CRTAC1: variants seen among roughly 807,000 people sequenced by gnomAD.
CRTAC1 encodes the protein acidic secreted protein in cartilage.
Under a neutral mutation model 67.8 loss-of-function variants are expected in CRTAC1, and 37 were observed. The ratio of observed to expected loss-of-function variants is 0.55; its 90% CI spans 0.42 to 0.72. CRTAC1 has a LOEUF of 0.72. CRTAC1 is among the 30% of genes least tolerant of loss of function. The pLI, the probability that CRTAC1 is intolerant of heterozygous loss-of-function variation, is 0.00. For missense variants in CRTAC1, 780 were observed against 931.6 expected, an observed-to-expected ratio of 0.84 and a Z score of 2.12; for synonymous variants, 348 against 371.0, an observed-to-expected ratio of 0.94 and a Z score of 0.71.
intron 1 of CRTAC1, among the ~76,000 whole-genome samples, chr10:98,012,417 C>T (rs1842926994): frequency 6.6e-6 from 1 of 152,116 alleles, no homozygotes; most frequent in South Asian, 2.1e-4. Context: ...GTTTTAAAGG[C>T]TCTGCTGGAA....
chr10:97,900,024 T>C (rs1456041019), intron 8 of CRTAC1, among the ~76,000 whole-genome samples: 1 of 152,208 alleles, frequency 6.6e-6, no homozygotes, highest in East Asian at 1.9e-4. Context: ...CTTGTTAAAA[T>C]ACAGATTCCT....
chr10:97,876,053 T>C (rs1258496287), intron 14 of CRTAC1, among the ~76,000 whole-genome samples: 1 of 152,200 alleles, frequency 6.6e-6, no homozygotes, highest in Non-Finnish European at 1.5e-5. Flanking sequence ...GGGAGGACTA[T>C]TTCAGATCAC....
At chr10:97,899,200 C>T (rs1046965725) in intron 8 of CRTAC1, among the ~76,000 whole-genome samples, 1 of 152,244 alleles carries the variant, frequency 6.6e-6, no homozygotes, top group Non-Finnish European at 1.5e-5. Flanking sequence ...GCTGTCCTCT[C>T]TGCTGCGTGC....
At chr10:97,965,702 C>T (rs1258758176) in intron 2 of CRTAC1, among the ~76,000 whole-genome samples, 1 of 151,884 alleles carries the variant, frequency 6.6e-6, no homozygotes, top group Non-Finnish European at 1.5e-5. Context: ...CCTCTATGGG[C>T]TATATTAATA....
chr10:98,006,176 C>A (rs1842785858), intron 2 of CRTAC1, among the ~76,000 whole-genome samples: 1 of 152,212 alleles, frequency 6.6e-6, no homozygotes, highest in Admixed American at 6.5e-5. Flanking sequence ...AAGATTGACA[C>A]CAACAGGAAT....
At chr10:98,005,514 C>T (rs571160713) in intron 2 of CRTAC1, among the ~76,000 whole-genome samples, 2 of 151,924 alleles carry the variant, frequency 1.3e-5, no homozygotes, top group East Asian at 3.9e-4. Flanking sequence ...TTACACACCA[C>T]AACAATTAAG....
At chr10:98,005,251 C>T (rs774284161) in intron 2 of CRTAC1, among the ~76,000 whole-genome samples, 9 of 150,288 alleles carry the variant, frequency 6.0e-5, no homozygotes, top group Admixed American at 3.3e-4. Flanking sequence ...ATTATAGGCA[C>T]GTGCCACCAC....
chr10:97,884,576 C>T, intron 11 of CRTAC1: 1 of 516,916 alleles, frequency 1.9e-6, no homozygotes, highest in Non-Finnish European at 3.4e-6. Context: ...TGCATCTGTG[C>T]TGTCCAGTAC....
In CRTAC1 at chr10:98,030,388, C is replaced by T. The variant is rs1843347883; in HGVS notation, c.24+61G>A. On this transcript the variant is annotated intron_variant, in intron 1 of 14. Coordinates refer to ENST00000370597, the MANE Select transcript of CRTAC1 (RefSeq NM_018058.7). This position sits in a 1 kb window ranked among gnomAD's most constrained non-coding sequence, Gnocchi z 4.2. ...ACCCTTGCGGGCGGATCCGGGGGGG[C>T]GCGCAGAGCTGGAGAAACTTTCTCC... The T allele has an allele frequency of 5.6e-6, 6 of 1,065,468 alleles. No homozygotes were observed. The highest frequency in any genetic ancestry group is 7.3e-6 in the Non-Finnish European group (6 of 821,644). 66.0% of individuals were successfully genotyped at this position (1,065,468 alleles called of 1,614,324 possible).
At chr10:98,006,185 A>G (rs919108782) in intron 2 of CRTAC1, among the ~76,000 whole-genome samples, 1 of 152,246 alleles carries the variant, frequency 6.6e-6, no homozygotes, top group African/African-American at 2.4e-5. Context: ...ACCAACAGGA[A>G]TTCCTTTCCA....
intron 2 of CRTAC1, among the ~76,000 whole-genome samples, chr10:97,941,748 T>C (rs1263084035): frequency 6.6e-6 from 1 of 152,182 alleles, no homozygotes; most frequent in Non-Finnish European, 1.5e-5. Context: ...GACACCCTTC[T>C]CTGTTGCCTC....
At chr10:97,965,832 G>A (rs193208946) in intron 2 of CRTAC1, among the ~76,000 whole-genome samples, 2 of 152,308 alleles carry the variant, frequency 1.3e-5, no homozygotes, top group Admixed American at 6.5e-5. Flanking sequence ...GGCAGTTGTC[G>A]AACTGAGCTG....
chr10:98,024,740 A>G (rs1178952267), intron 1 of CRTAC1, among the ~76,000 whole-genome samples: 1 of 92,854 alleles, frequency 1.1e-5, no homozygotes, highest in Non-Finnish European at 2.1e-5. Flanking sequence ...GAATGATTAT[A>G]TTATCCTTTT....
chr10:97,890,706 T>C (rs1172331902), intron 11 of CRTAC1, among the ~76,000 whole-genome samples: 1 of 151,874 alleles, frequency 6.6e-6, no homozygotes, highest in East Asian at 1.9e-4. Context: ...TCGCTTTTGT[T>C]GCCTAGGCTG....
At position 97,923,611 on chromosome 10, in the gene CRTAC1, A is replaced by C. The variant is rs78952496; in HGVS notation, c.422-211T>G. On this transcript the variant is annotated intron_variant, in intron 3 of 14. Transcript: ENST00000370597. ...GTTGAGGGAAGAGACTCTGAGCCTC[A>C]TGAAGATGGCTGGCCCAGGCCTCAG... Among the ~76,000 whole-genome samples, 15 of 152,276 alleles carry C rather than the reference A, an allele frequency of 9.9e-5. No homozygotes were observed. The East Asian group carries it at 2.9e-3, about 29-fold the overall frequency.
At chr10:97,886,683 C>T (rs935221804) in intron 11 of CRTAC1, among the ~76,000 whole-genome samples, 23 of 136,532 alleles carry the variant, frequency 1.7e-4, no homozygotes, top group Non-Finnish European at 3.2e-4. Context: ...CTCAATCTGT[C>T]ACCCAGGCTG....
chr10:97,960,870 C>T (rs1287359139), intron 2 of CRTAC1, among the ~76,000 whole-genome samples: 3 of 152,228 alleles, frequency 2.0e-5, no homozygotes, highest in Non-Finnish European at 4.4e-5. Flanking sequence ...GTAGTGTGTA[C>T]AGATTATTCT....
intron 2 of CRTAC1, among the ~76,000 whole-genome samples, chr10:98,009,351 CT>C (rs1281696719): frequency 6.6e-6 from 1 of 152,102 alleles, no homozygotes; most frequent in African/African-American, 2.4e-5. Flanking sequence ...ACAGAAAATG[CT>C]TCTGGATAGC....
intron 1 of CRTAC1, among the ~76,000 whole-genome samples, chr10:98,011,925 C>T (rs569777821): frequency 6.6e-6 from 1 of 152,252 alleles, no homozygotes; most frequent in African/African-American, 2.4e-5. Context: ...TCATGAGTAT[C>T]CAGATCTAGA....
Sources: allele counts gnomAD v4.1 joint callset (sites outside exome capture counted in the v4.1 genomes callset), GRCh38; gene constraint gnomAD v4.1.1; non-coding constraint Gnocchi (gnomAD v3.1); transcripts MANE v1.5; gene names NCBI Gene and HGNC (gene_info 2026-07-23, HGNC 2026-07-21).